Variants in WRN observed in about 807,000 individuals in gnomAD.
WRN encodes the protein bifunctional 3'-5' exonuclease/ATP-dependent helicase WRN.
In WRN, 149 loss-of-function variants were observed where a neutral mutation model predicts 180.7. That is an observed-to-expected ratio of 0.82 (90% CI 0.72 to 0.94). The LOEUF (loss-of-function observed/expected upper bound fraction) is 0.94, where lower values mean the gene tolerates loss of function less well. Among genes scored for constraint, WRN ranks in the 40% least tolerant of loss-of-function variants. The pLI is 0.00. For synonymous variants in WRN, 548 were observed against 568.9 expected (o/e 0.96, Z 0.52); for missense variants, 1,661 against 1,700.1 (o/e 0.98, Z 0.40).
At chr8:31,145,789 CAG>C (rs1251684074) in intron 28 of WRN, among the ~76,000 whole-genome samples, 11 of 151,814 alleles carry the variant, frequency 7.2e-5, no homozygotes, top group African/African-American at 2.7e-4. Flanking sequence ...GAGAGTAGGT[CAG>C]AATATCAATA....
rs1585516331 is a variant in WRN, at chr8:31,142,646, G to A, written c.3254G>A (p.Gly1085Asp). The change falls in exon 27 of 35, where the codon GGC becomes GAC. Residue 1085 changes from glycine (G) to aspartate (D), a missense_variant. By Grantham distance (94) the Gly-to-Asp change is moderately conservative. Around this residue, in one of 3 missense-constraint regions of WRN, gnomAD observed 1,141 missense variants for 1,149.4 expected, o/e 0.99. Transcript: ENST00000298139. ...TTTAGTTCGAAAACTGTATCTTCGG[G>A]CACCAAAGAGCATTGTTATAATCAA... Reference protein sequence around the residue: ...LLPSSKTVSSGTKEHCYNQVP... With the variant: ...LLPSSKTVSSDTKEHCYNQVP... 1 of 1,599,420 alleles carries A rather than the reference G, an allele frequency of 6.3e-7. No individual in the cohort carries two copies. Among genetic ancestry groups the A allele is most frequent in the Non-Finnish European group, 8.5e-7 (1 of 1,173,488 alleles).
chr8:31,047,314 TG>T (rs1466808818), intron 1 of WRN, among the ~76,000 whole-genome samples: 1 of 152,118 alleles, frequency 6.6e-6, no homozygotes, highest in Non-Finnish European at 1.5e-5. Context: ...GGCTCATTTT[TG>T]TATTTTTTGT....
rs1232204593 is a variant in WRN, at chr8:31,124,625, T to C, written c.2732+2T>C. On this transcript the variant is annotated splice_donor_variant, in intron 22 of 34. Coordinates refer to ENST00000298139, the MANE Select transcript of WRN (RefSeq NM_000553.6). LOFTEE classifies it high-confidence loss of function. The stretch of plus-strand genomic sequence containing the variant: ...TCATTCTAGCAGATGTAGGAGACAG[T>C]ATGTATTATTTATTTTATGCCAATA... The C allele has an allele frequency of 6.2e-7, 1 of 1,602,294 alleles. No individual in the cohort carries two copies. Among genetic ancestry groups the C allele is most frequent in the Non-Finnish European group, 8.5e-7 (1 of 1,169,838 alleles).
chr8:31,161,676 TA>T (rs1465427853), intron 33 of WRN, among the ~76,000 whole-genome samples: 1 of 151,884 alleles, frequency 6.6e-6, no homozygotes, highest in Non-Finnish European at 1.5e-5. Flanking sequence ...CCGTTTCTAC[TA>T]AAAGTACAAA....
intron 1 of WRN, among the ~76,000 whole-genome samples, chr8:31,036,321 A>C (rs1408706008): frequency 6.6e-6 from 1 of 152,246 alleles, no homozygotes; most frequent in Non-Finnish European, 1.5e-5. Context: ...GTGCTGCAGG[A>C]AACATGGAAG....
intron 18 of WRN, among the ~76,000 whole-genome samples, chr8:31,106,873 T>G (rs1801118627): frequency 6.6e-6 from 1 of 152,140 alleles, no homozygotes; most frequent in South Asian, 2.1e-4. Context: ...TTATAGGAGG[T>G]GCTCAATTTA....
intron 21 of WRN, among the ~76,000 whole-genome samples, chr8:31,124,281 A>T (rs1344747662): frequency 6.6e-6 from 1 of 152,032 alleles, no homozygotes; most frequent in African/African-American, 2.4e-5. Context: ...ACTTGGACAC[A>T]GGAAGAATTT....
At chr8:31,073,864 G>C (rs1813000978) in intron 7 of WRN, among the ~76,000 whole-genome samples, 1 of 152,082 alleles carries the variant, frequency 6.6e-6, no homozygotes, top group Non-Finnish European at 1.5e-5. Context: ...AGTGAGATGA[G>C]AGTCTAGAAC....
intron 19 of WRN, among the ~76,000 whole-genome samples, chr8:31,114,474 A>C (rs916608881): frequency 6.6e-6 from 1 of 152,134 alleles, no homozygotes; most frequent in Non-Finnish European, 1.5e-5. Context: ...TACTCTTTTG[A>C]TTTATCTGTT....
intron 23 of WRN, 139 bp downstream of exon 23, chr8:31,125,139 A>G (rs1167625943): frequency 1.4e-5 from 11 of 795,172 alleles, no homozygotes; most frequent in African/African-American, 3.5e-5. Context: ...ATGAGAAAGC[A>G]AACAATATTA....
rs71206298 is a variant in WRN at position 31,122,860 on chromosome 8, G to GTTTTTTTTTTTTTTTT, written c.2631-1652_2631-1637dup. Among the ~76,000 whole-genome samples, 46 of 69,474 alleles carry GTTTTTTTTTTTTTTTT rather than the reference G, an allele frequency of 6.6e-4. 1 individual carries two copies. Among genetic ancestry groups the GTTTTTTTTTTTTTTTT allele is most frequent in the Admixed American group, 9.3e-4 (4 of 4,310 alleles). The allele number at this position is 69,474 out of a possible 152,430, so 45.6% of individuals were successfully genotyped here. On this transcript the variant is annotated intron_variant, in intron 21 of 34. Coordinates refer to ENST00000298139, the MANE Select transcript of WRN (RefSeq NM_000553.6). ...GAAGAGTGTGGGCATTTCTTTTCTTGTTTTTTTTTTTTTTTTTTTTTTTTT... is the reference window on the plus strand; with the variant it reads ...GAAGAGTGTGGGCATTTCTTTTCTTGTTTTTTTTTTTTTTTTTTTTTTTTTTTTTTTTTTTTTTTTT...
intron 20 of WRN, among the ~76,000 whole-genome samples, chr8:31,117,509 G>A (rs1801568342): frequency 6.6e-6 from 1 of 152,146 alleles, no homozygotes; most frequent in South Asian, 2.1e-4. Flanking sequence ...GTGTCATAGA[G>A]GATTTATTTG....
rs550601909 is a variant in WRN, at chr8:31,057,919, G to A, written c.-76-453G>A. On this transcript the variant is annotated intron_variant, in intron 1 of 34. Transcript: ENST00000298139. Reference sequence around the variant, plus strand: ...GGAAATTTGTTCACTTACTAGGTGAGGAGCAAAATAAAAATCCTTAATATA... The same window carrying A: ...GGAAATTTGTTCACTTACTAGGTGAAGAGCAAAATAAAAATCCTTAATATA... 1.8e-3 allele frequency among the ~76,000 whole-genome samples: 272 copies of A among 152,146 alleles called. 1 individual carries two copies. The highest frequency in any genetic ancestry group is 6.4e-3 in the African/African-American group (265 of 41,508).
intron 16 of WRN, among the ~76,000 whole-genome samples, chr8:31,095,475 A>G (rs1042289815): frequency 1.6e-4 from 24 of 152,192 alleles, no homozygotes; most frequent in African/African-American, 5.8e-4. Context: ...TTTTGACCCA[A>G]GGTCACAAAG....
At chr8:31,167,262 G>A (rs1803936708) in intron 34 of WRN, 32 bp downstream of exon 34, 2 of 1,576,670 alleles carry the variant, frequency 1.3e-6, no homozygotes, top group African/African-American at 1.4e-5. Context: ...TTCATAAAGT[G>A]TCAGTTTGTT....
chr8:31,166,783 G>A (rs919743330), intron 33 of WRN, among the ~76,000 whole-genome samples: 5 of 152,102 alleles, frequency 3.3e-5, no homozygotes, highest in African/African-American at 9.7e-5. Context: ...CACAATTTAT[G>A]CAGTGTCAAT....
chr8:31,128,669 C>A (rs1430257937), intron 23 of WRN, among the ~76,000 whole-genome samples: 3 of 152,174 alleles, frequency 2.0e-5, no homozygotes, highest in Non-Finnish European at 4.4e-5. Context: ...ACCATCCTGG[C>A]TAACATGATG....
chr8:31,163,095 T>G (rs1005749528), intron 33 of WRN, among the ~76,000 whole-genome samples: 5 of 152,394 alleles, frequency 3.3e-5, no homozygotes, highest in African/African-American at 1.2e-4. Flanking sequence ...ATGGGGTGTG[T>G]GTGTGTGTGC....
intron 1 of WRN, among the ~76,000 whole-genome samples, chr8:31,049,403 G>A (rs1414651032): frequency 1.3e-5 from 2 of 151,122 alleles, no homozygotes; most frequent in African/African-American, 4.9e-5. Flanking sequence ...ATGGTGGCAT[G>A]TGCCTGTAGT....
Sources: allele counts gnomAD v4.1 joint callset (sites outside exome capture counted in the v4.1 genomes callset), GRCh38; gene constraint gnomAD v4.1.1; regional missense constraint gnomAD v4.1.1; transcripts MANE v1.5; gene names NCBI Gene and HGNC (gene_info 2026-07-23, HGNC 2026-07-21).